Variants in B3GALT5 observed in about 807,000 individuals in gnomAD.
The protein encoded by B3GALT5 is beta-1,3-galactosyltransferase 5, also known as UDP-Gal:betaGlcNAc beta 1,3-galactosyltransferase, polypeptide 5.
For synonymous variants in B3GALT5, 156 were observed against 158.6 expected (o/e 0.98, Z 0.12); for missense variants, 328 against 396.6 (o/e 0.83, Z 1.47).
intron 1 of B3GALT5, among the ~76,000 whole-genome samples, chr21:39,615,663 T>A (rs752605001): frequency 3.9e-5 from 6 of 152,238 alleles, no homozygotes; most frequent in Non-Finnish European, 8.8e-5. Context: ...TATATGACCT[T>A]CGGCAAGTTA....
intron 1 of B3GALT5, among the ~76,000 whole-genome samples, chr21:39,643,614 T>C (rs1386069972): frequency 6.6e-6 from 1 of 152,178 alleles, no homozygotes. Context: ...GGTTATTGTT[T>C]GAAAAGAAGT....
At position 39,662,494 on chromosome 21, in the gene B3GALT5, C is replaced by G. The variant is rs1249100331; in HGVS notation, c.*1002C>G. On this transcript the variant is annotated 3_prime_UTR_variant, in exon 4 of 4. Transcript: ENST00000684187. ...TCAGTTGGAGTCAAGTCAGGATGCT[C>G]TCAAGGACCCCTCGGGCTCAGAGCC... 1.2e-5 allele frequency: 2 copies of G among 167,148 alleles called. No homozygotes were observed. The highest frequency in any genetic ancestry group is 2.9e-5 in the Non-Finnish European group (2 of 68,140). 10.4% of individuals were successfully genotyped at this position (167,148 alleles called of 1,614,324 possible).
At chr21:39,623,220 TCCCTC>T (rs1569206616) in intron 1 of B3GALT5, among the ~76,000 whole-genome samples, 7 of 45,478 alleles carry the variant, frequency 1.5e-4, no homozygotes, top group Middle Eastern at 0.017. Context: ...CCTCCCTCCC[TCCCTC>T]CCTCCCTCCC....
intron 1 of B3GALT5, among the ~76,000 whole-genome samples, chr21:39,631,843 A>G (rs1436941241): frequency 2.0e-5 from 3 of 152,166 alleles, no homozygotes; most frequent in Admixed American, 6.6e-5. Context: ...GGTGAAGCCT[A>G]CTTTTTAGGG....
intron 2 of B3GALT5, among the ~76,000 whole-genome samples, chr21:39,653,820 G>A (rs1439200154): frequency 1.3e-5 from 2 of 152,210 alleles, no homozygotes; most frequent in Non-Finnish European, 2.9e-5. Context: ...CCTAGGGGCA[G>A]TGACCATTCC....
intron 1 of B3GALT5, among the ~76,000 whole-genome samples, chr21:39,639,948 A>G (rs867263624): frequency 7.2e-4 from 109 of 152,006 alleles, no homozygotes; most frequent in African/African-American, 2.1e-3. Flanking sequence ...TAACTGTAAA[A>G]TGTAAATGAT....
At chr21:39,643,441 A>C (rs1483846497) in intron 1 of B3GALT5, among the ~76,000 whole-genome samples, 1 of 151,850 alleles carries the variant, frequency 6.6e-6, no homozygotes, top group Admixed American at 6.6e-5. Flanking sequence ...AAAGAAAAAG[A>C]AAAGCAAAGC....
intron 2 of B3GALT5, among the ~76,000 whole-genome samples, chr21:39,655,428 A>C (rs2079433363): frequency 6.6e-6 from 1 of 152,170 alleles, no homozygotes; most frequent in African/African-American, 2.4e-5. Flanking sequence ...GTGGGCAGGG[A>C]GCTGGGTGCC....
At chr21:39,614,803 C>G (rs1162574573) in intron 1 of B3GALT5, among the ~76,000 whole-genome samples, 3 of 152,314 alleles carry the variant, frequency 2.0e-5, no homozygotes, top group East Asian at 3.9e-4. Flanking sequence ...GGATGCCCCC[C>G]ATGCATGCTT....
chr21:39,620,711 T>C (rs769887905), intron 1 of B3GALT5, among the ~76,000 whole-genome samples: 4 of 152,192 alleles, frequency 2.6e-5, no homozygotes, highest in Non-Finnish European at 5.9e-5. Flanking sequence ...AAATAGCATA[T>C]GATAATAAAC....
At chr21:39,657,686 T>G (rs2079460878) in intron 2 of B3GALT5, 1 of 397,838 alleles carries the variant, frequency 2.5e-6, no homozygotes, top group Non-Finnish European at 4.4e-6. Flanking sequence ...TCTATCTGTC[T>G]ACCTACCGAC....
chr21:39,641,997 AAAAGT>A (rs2079294010), intron 1 of B3GALT5, among the ~76,000 whole-genome samples: 1 of 152,252 alleles, frequency 6.6e-6, no homozygotes, highest in African/African-American at 2.4e-5. Context: ...TTTACATATG[AAAAGT>A]AAAGAGGCAC....
At chr21:39,633,380 A>C (rs2079204845) in intron 1 of B3GALT5, among the ~76,000 whole-genome samples, 1 of 152,158 alleles carries the variant, frequency 6.6e-6, no homozygotes, top group Admixed American at 6.5e-5. Flanking sequence ...CTTATATGAC[A>C]CCTGGATGTA....
chr21:39,614,589 T>A (rs541122636), intron 1 of B3GALT5, among the ~76,000 whole-genome samples: 12 of 152,298 alleles, frequency 7.9e-5, no homozygotes, highest in Admixed American at 5.9e-4. Flanking sequence ...TTTATGAGAT[T>A]CTGCATACCT....
chr21:39,622,877 G>GTA (rs34050878), intron 1 of B3GALT5, among the ~76,000 whole-genome samples: 11,676 of 151,646 alleles, frequency 0.077, 527 homozygotes, highest in African/African-American at 0.13. Flanking sequence ...ACTGTAGACT[G>GTA]TATATATATT....
Position 39,660,953 on chromosome 21 carries a change from ACCC to A in B3GALT5, c.395_397del (p.Thr132_Leu133delinsMet). On this transcript the variant is annotated inframe_deletion, in exon 4 of 4. Coordinates refer to ENST00000684187, the MANE Select transcript of B3GALT5 (RefSeq NM_001356336.2). ...TTTCCTAGACGTCTATTACAATCTG[ACCC>A]TGAAGACCATGATGGGCATAGAATG... 6.2e-7 allele frequency: 1 copy of A among 1,606,028 alleles called. No homozygotes were observed. Among genetic ancestry groups the A allele is most frequent in the African/African-American group, 1.3e-5 (1 of 74,812 alleles).
At chr21:39,654,843 G>A (rs1011776301) in intron 2 of B3GALT5, among the ~76,000 whole-genome samples, 23 of 152,124 alleles carry the variant, frequency 1.5e-4, no homozygotes, top group African/African-American at 3.1e-4. Flanking sequence ...GTATTTTTAC[G>A]TAAGATATGT....
rs545067597 is a variant in B3GALT5, at chr21:39,662,081, A to G, written c.*589A>G. On this transcript the variant is annotated 3_prime_UTR_variant, in exon 4 of 4. Coordinates refer to ENST00000684187, the MANE Select transcript of B3GALT5 (RefSeq NM_001356336.2). ...CCAGCTCCTTCATTCACAGGGCTGG[A>G]TGTAGCTGGGATTGAGTCCATGTTA... The G allele has an allele frequency of 6.0e-6, 1 of 167,180 alleles. No homozygotes were observed. Among genetic ancestry groups the G allele is most frequent in the South Asian group, 2.1e-4 (1 of 4,808 alleles). 10.4% of individuals were successfully genotyped at this position (167,180 alleles called of 1,614,324 possible).
intron 1 of B3GALT5, among the ~76,000 whole-genome samples, chr21:39,622,705 T>C (rs1383351900): frequency 6.6e-6 from 1 of 152,120 alleles, no homozygotes; most frequent in Non-Finnish European, 1.5e-5. Context: ...CCATTTATAA[T>C]ATACATAATT....
Sources: gnomAD v4.1 joint callset for allele counts (sites outside exome capture counted in the v4.1 genomes callset) on GRCh38, gnomAD v4.1.1 for gene constraint, MANE v1.5 for transcripts, NCBI Gene and HGNC (gene_info 2026-07-23, HGNC 2026-07-21) for gene names.